The following CHPT1 variants were observed in gnomAD, a reference collection of about 807,000 sequenced individuals.
CHPT1 encodes choline phosphotransferase 1.
In CHPT1, 36 loss-of-function variants were observed where a neutral mutation model predicts 47.6. That is an observed-to-expected ratio of 0.76 (90% CI 0.58 to 1.00). The LOEUF (loss-of-function observed/expected upper bound fraction) is 1.00. Ranked by LOEUF, CHPT1 falls within the 50% of genes least tolerant of loss-of-function variation. The pLI, the probability that CHPT1 is intolerant of heterozygous loss-of-function variation, is 0.00. For synonymous variants in CHPT1, 194 were observed against 186.3 expected (o/e 1.04, Z -0.33); for missense variants, 458 against 498.1 (o/e 0.92, Z 0.77).
At chr12:101,702,656 G>A (rs1268751690) in intron 1 of CHPT1, among the ~76,000 whole-genome samples, 2 of 151,528 alleles carry the variant, frequency 1.3e-5, no homozygotes. Flanking sequence ...TTTTTTTATA[G>A]GTTTGATTTC....
chr12:101,726,438 G>C, intron 8 of CHPT1, 34 bp downstream of exon 8: 1 of 1,605,886 alleles, frequency 6.2e-7, no homozygotes, highest in South Asian at 1.1e-5. Context: ...AATAGCCCAA[G>C]GAAAAGAGGA....
chr12:101,727,472 C>A (rs1951984581), intron 8 of CHPT1: 1 of 144,804 alleles, frequency 6.9e-6, no homozygotes, highest in South Asian at 2.2e-4. Flanking sequence ...GTTCAACAGA[C>A]CATATGTCAT....
intron 7 of CHPT1, among the ~76,000 whole-genome samples, chr12:101,725,671 A>G (rs930417156): frequency 8.6e-5 from 13 of 151,734 alleles, no homozygotes; most frequent in African/African-American, 3.1e-4. Context: ...CTTTTCAAGT[A>G]AGCTTTTAAC....
intron 4 of CHPT1, 112 bp from the exon 5 acceptor site, chr12:101,720,011 T>C (rs1951826029): frequency 1.6e-6 from 1 of 609,952 alleles, no homozygotes; most frequent in Admixed American, 3.9e-5. Flanking sequence ...TAAGGTTTGA[T>C]CACAAGAAAA....
intron 3 of CHPT1, 109 bp from the exon 4 acceptor site, chr12:101,716,619 C>A (rs1951766992): frequency 1.7e-6 from 1 of 604,620 alleles, no homozygotes. Context: ...TAAAAATAAA[C>A]TAAGCCTACA....
At chr12:101,727,570 T>TGAAA (rs1387469291) in intron 8 of CHPT1, 2 of 150,810 alleles carry the variant, frequency 1.3e-5, no homozygotes, top group Non-Finnish European at 3.0e-5. Flanking sequence ...AAGAAAACAG[T>TGAAA]GAAAGATGAT....
chr12:101,699,965 G>C (rs1336217511), intron 1 of CHPT1, among the ~76,000 whole-genome samples: 2 of 152,194 alleles, frequency 1.3e-5, no homozygotes, highest in Non-Finnish European at 2.9e-5. Flanking sequence ...AGGATGCAGT[G>C]AGGACCAAAT....
At chr12:101,726,568 T>C in intron 8 of CHPT1, 164 bp downstream of exon 8, 1 of 1,062,368 alleles carries the variant, frequency 9.4e-7, no homozygotes, top group Non-Finnish European at 1.3e-6. Flanking sequence ...TGTGTCTTAT[T>C]TCAGTTATGA....
intron 7 of CHPT1, among the ~76,000 whole-genome samples, chr12:101,724,444 C>T (rs976142244): frequency 2.0e-5 from 3 of 152,034 alleles, no homozygotes; most frequent in Non-Finnish European, 4.4e-5. Flanking sequence ...TGCCAAAAAC[C>T]ACTTTACTCT....
At chr12:101,704,685 G>A (rs1193550867) in intron 1 of CHPT1, among the ~76,000 whole-genome samples, 3 of 138,562 alleles carry the variant, frequency 2.2e-5, no homozygotes, top group African/African-American at 8.1e-5. Flanking sequence ...ACAGGCATGA[G>A]CCACCGCACC....
chr12:101,714,190 C>G lies in CHPT1; in HGVS notation c.374C>G (p.Ser125Cys). 6.2e-7 allele frequency: 1 copy of G among 1,613,234 alleles called. No individual in the cohort carries two copies. The highest frequency in any genetic ancestry group is 1.7e-4 in the Middle Eastern group (1 of 6,052). Residue 125 changes from serine to cysteine, a missense_variant, in exon 2 of 9, where the codon TCC becomes TGC. Coordinates refer to ENST00000229266, the MANE Select transcript of CHPT1 (RefSeq NM_020244.3). ...CAAGCCAGAAGAACAAACTCTTGTT[C>G]CCCTTTAGGGGAGCTCTTTGACCAT... ...GKQARRTNSC[S>C]PLGELFDHGC...
At position 101,714,072 on chromosome 12, in the gene CHPT1, T is replaced by A. The variant is rs1951730878; in HGVS notation, c.274-18T>A. On this transcript the variant is annotated intron_variant, in intron 1 of 8. Transcript: ENST00000229266. The stretch of plus-strand genomic sequence containing the variant: ...TATTATCACTTAACAATCTTTATTT[T>A]ATTTACATTTTTTATAGGCACCATA... The A allele has an allele frequency of 6.4e-7, 1 of 1,555,532 alleles. No homozygotes were observed. Among genetic ancestry groups the A allele is most frequent in the Non-Finnish European group, 8.8e-7 (1 of 1,140,314 alleles).
At chr12:101,698,351 C>T (rs963844596) in intron 1 of CHPT1, among the ~76,000 whole-genome samples, 18 of 152,330 alleles carry the variant, frequency 1.2e-4, no homozygotes, top group Middle Eastern at 6.8e-3. Context: ...CCCTGGGCAG[C>T]GGAGGGGCTG....
chr12:101,712,409 T>A lies in CHPT1; in HGVS notation c.274-1681T>A, dbSNP rs1293618089. 1.3e-5 allele frequency among the ~76,000 whole-genome samples: 2 copies of A among 148,836 alleles called. 1 individual carries two copies. Among genetic ancestry groups the A allele is most frequent in the Non-Finnish European group, 3.0e-5 (2 of 66,516 alleles). On this transcript the variant is annotated intron_variant, in intron 1 of 8. Transcript: ENST00000229266. ...AAAAAATATTTATTCTGTTTGGGGT[T>A]TGTTGAGCTTCTTGGACATGTAGGT... is the stretch of plus-strand genomic sequence containing the variant.
intron 1 of CHPT1, among the ~76,000 whole-genome samples, chr12:101,713,387 C>G (rs1165328140): frequency 6.6e-6 from 1 of 152,206 alleles, no homozygotes; most frequent in Non-Finnish European, 1.5e-5. Flanking sequence ...CTCTGTGCAG[C>G]TCTGTCCTCT....
In CHPT1 at chr12:101,723,297, G is replaced by A. The variant is rs755109851; in HGVS notation, c.910G>A (p.Val304Ile). 3.1e-6 allele frequency: 5 copies of A among 1,604,490 alleles called. No homozygotes were observed. The highest frequency in any genetic ancestry group is 1.1e-5 in the South Asian group (1 of 88,998). ...PCLYILMFGC[V>I]FAKVSQKLVV... ...TCTTTATATCCTAATGTTTGGATGTGTCTTTGCTAAAGTCTCACAAAAATT... is the reference window on the plus strand; with the variant it reads ...TCTTTATATCCTAATGTTTGGATGTATCTTTGCTAAAGTCTCACAAAAATT... The change falls in exon 6 of 9, where the codon GTC (valine) becomes ATC (isoleucine). Residue 304 changes from valine to isoleucine, a missense_variant. Physicochemically the swap from Val to Ile is conservative, Grantham distance 29. Coordinates refer to ENST00000229266, the MANE Select transcript of CHPT1 (RefSeq NM_020244.3).
chr12:101,700,273 A>C (rs1436956457), intron 1 of CHPT1, among the ~76,000 whole-genome samples: 1 of 149,402 alleles, frequency 6.7e-6, no homozygotes, highest in Admixed American at 6.7e-5. Flanking sequence ...GGGAGGCCTG[A>C]TGGAAGAGGT....
Position 101,723,827 on chromosome 12 carries a change from G to A in CHPT1, c.1045G>A (p.Val349Ile). The change falls in exon 7 of 9, where the codon GTT (valine) becomes ATT (isoleucine). Residue 349 changes from valine (V) to isoleucine (I), a missense_variant. By Grantham distance (29) the Val-to-Ile change is conservative (BLOSUM62 3). Transcript: ENST00000229266. ...QYFNNFIDEY[V>I]VLWMAMVISS... ...CTTTAATAACTTTATAGACGAATAT[G>A]TTGTTCTATGGATGGCAATGGTAAG... The A allele has an allele frequency of 6.6e-7, 1 of 1,519,120 alleles. No homozygotes were observed. The highest frequency in any genetic ancestry group is 9.1e-7 in the Non-Finnish European group (1 of 1,103,630). 94.1% of individuals were successfully genotyped at this position (1,519,120 alleles called of 1,614,324 possible).
chr12:101,710,251 G>C (rs1951687483), intron 1 of CHPT1, among the ~76,000 whole-genome samples: 1 of 148,972 alleles, frequency 6.7e-6, no homozygotes, highest in African/African-American at 2.4e-5. Flanking sequence ...GGAGGTTGAG[G>C]GGGAGGATCA....
Sources: allele counts gnomAD v4.1 joint callset (sites outside exome capture counted in the v4.1 genomes callset), GRCh38; gene constraint gnomAD v4.1.1; transcripts MANE v1.5; gene names NCBI Gene and HGNC (gene_info 2026-07-23, HGNC 2026-07-21).